Variants in FHIT observed in about 807,000 individuals in gnomAD.
The protein encoded by FHIT is bis(5'-adenosyl)-triphosphatase.
FHIT carries 19 observed loss-of-function variants against 17.9 expected under a neutral mutation model. The ratio of observed to expected loss-of-function variants is 1.06; its 90% CI spans 0.74 to 1.56. The LOEUF (loss-of-function observed/expected upper bound fraction) is 1.56. FHIT is among the 40% of genes most tolerant of loss of function. The pLI is 0.00. For synonymous variants in FHIT, 81 were observed against 69.7 expected, an observed-to-expected ratio of 1.16 and a Z score of -0.81; for missense variants, 248 against 189.2, an observed-to-expected ratio of 1.31 and a Z score of -1.82.
chr3:59,975,283 A>G (rs1293225436), intron 7 of FHIT, among the ~76,000 whole-genome samples: 1 of 152,136 alleles, frequency 6.6e-6, no homozygotes, highest in East Asian at 1.9e-4. Context: ...GAGATAACCT[A>G]AGTCCCAAAC....
chr3:61,111,310 G>A (rs1472388571), intron 2 of FHIT, among the ~76,000 whole-genome samples: 3 of 152,158 alleles, frequency 2.0e-5, no homozygotes, highest in Non-Finnish European at 2.9e-5. Flanking sequence ...TTGGGATTTG[G>A]AGCTTGAGAT....
chr3:59,790,504 CTT>C lies in FHIT; in HGVS notation c.349-38185_349-38184del, dbSNP rs1217783368. ...GTGTTCATTGCTTCTCTCTCTCTCT[CTT>C]TCTCTCTCTCTCTCTCTCTCTCTGT... On this transcript the variant is annotated intron_variant, in intron 8 of 9. Coordinates refer to ENST00000492590, the MANE Select transcript of FHIT (RefSeq NM_002012.4). 2.4e-3 allele frequency among the ~76,000 whole-genome samples: 334 copies of C among 141,450 alleles called. 1 individual carries two copies. The highest frequency in any genetic ancestry group is 8.4e-3 in the African/African-American group (295 of 35,126). 92.8% of individuals were successfully genotyped at this position (141,450 alleles called of 152,430 possible).
intron 5 of FHIT, among the ~76,000 whole-genome samples, chr3:60,276,782 G>A (rs9835376): frequency 0.38 from 57,267 of 151,900 alleles, 11,631 homozygotes; most frequent in East Asian, 0.75. Flanking sequence ...AAACAAAGGC[G>A]AGCCAGCATG....
chr3:60,247,223 G>C, intron 5 of FHIT, among the ~76,000 whole-genome samples: 1 of 151,832 alleles, frequency 6.6e-6, no homozygotes, highest in African/African-American at 2.4e-5. Context: ...ACCAAGTAAG[G>C]CTATTAAGAA....
At position 60,080,550 on chromosome 3, in the gene FHIT, A is replaced by G. The variant is rs949484167; in HGVS notation, c.104-66398T>C. Among the ~76,000 whole-genome samples the G allele has an allele frequency of 2.6e-5, 4 of 152,260 alleles. No individual in the cohort carries two copies. In the East Asian group the frequency reaches 7.7e-4, roughly 29 times the overall value. On this transcript the variant is annotated intron_variant, in intron 5 of 9. Coordinates refer to ENST00000492590, the MANE Select transcript of FHIT (RefSeq NM_002012.4). ...TTTTTTCATTCTTTATTCACCAAAC[A>G]TTTACTAAGCACTTCTTTATACAAT...
intron 3 of FHIT, among the ~76,000 whole-genome samples, chr3:60,938,644 A>C (rs1708289646): frequency 6.6e-6 from 1 of 152,214 alleles, no homozygotes; most frequent in Admixed American, 6.5e-5. Flanking sequence ...ACTGAATGTT[A>C]AACAGCGTCA....
In FHIT at chr3:60,752,607, C is replaced by T. The variant is rs573210550; in HGVS notation, c.-18+69312G>A. Among the ~76,000 whole-genome samples, 3 of 152,320 alleles carry T rather than the reference C, an allele frequency of 2.0e-5. No homozygotes were observed. In the South Asian group the frequency reaches 6.2e-4, roughly 32 times the overall value. On this transcript the variant is annotated intron_variant, in intron 4 of 9. Coordinates refer to ENST00000492590, the MANE Select transcript of FHIT (RefSeq NM_002012.4). ...CAATTCGAACCCACAACCCTGGATA[C>T]ATTCCACTTGTGTAGGTTTCCCCTT...
intron 2 of FHIT, among the ~76,000 whole-genome samples, chr3:61,119,833 G>T (rs947726380): frequency 6.6e-6 from 1 of 152,170 alleles, no homozygotes; most frequent in Admixed American, 6.5e-5. Flanking sequence ...CAGGCTTTCA[G>T]ACTTTAACTA....
intron 1 of FHIT, among the ~76,000 whole-genome samples, chr3:61,229,804 A>C (rs1353085156): frequency 1.3e-5 from 2 of 152,232 alleles, no homozygotes; most frequent in East Asian, 3.9e-4. Flanking sequence ...TAATTTATGC[A>C]GTAGGGCTCT....
chr3:60,277,196 A>G (rs1707186492), intron 5 of FHIT, among the ~76,000 whole-genome samples: 1 of 152,118 alleles, frequency 6.6e-6, no homozygotes, highest in Non-Finnish European at 1.5e-5. Context: ...TCTTTTAACC[A>G]TTTGCATAAA....
intron 3 of FHIT, among the ~76,000 whole-genome samples, chr3:60,974,675 A>C (rs1285596104): frequency 6.6e-6 from 1 of 152,172 alleles, no homozygotes; most frequent in Non-Finnish European, 1.5e-5. Flanking sequence ...GTCTGTCAAC[A>C]AGAGTGATTA....
intron 5 of FHIT, among the ~76,000 whole-genome samples, chr3:60,184,192 C>T (rs1405084265): frequency 2.0e-5 from 3 of 151,868 alleles, no homozygotes; most frequent in Non-Finnish European, 4.4e-5. Flanking sequence ...ACTATGCTTC[C>T]CAGACTGGTC....
intron 4 of FHIT, among the ~76,000 whole-genome samples, chr3:60,761,444 T>C (rs1418420787): frequency 5.9e-5 from 9 of 152,202 alleles, no homozygotes; most frequent in Non-Finnish European, 1.3e-4. Context: ...ATTTCAATAA[T>C]GTGACACATG....
intron 7 of FHIT, among the ~76,000 whole-genome samples, chr3:59,964,030 C>G (rs762884491): frequency 2.6e-5 from 4 of 152,126 alleles, no homozygotes; most frequent in African/African-American, 4.8e-5. Context: ...TGTGGTCAAC[C>G]AACTAAAATT....
At chr3:60,121,751 C>A (rs887030835) in intron 5 of FHIT, among the ~76,000 whole-genome samples, 12 of 151,230 alleles carry the variant, frequency 7.9e-5, no homozygotes, top group Non-Finnish European at 3.0e-5. Flanking sequence ...CACACATTAG[C>A]CCTGTGCCTA....
At chr3:60,373,097 A>G (rs1011376314) in intron 5 of FHIT, among the ~76,000 whole-genome samples, 2 of 152,218 alleles carry the variant, frequency 1.3e-5, no homozygotes, top group East Asian at 3.8e-4. Context: ...TGATGGACAT[A>G]CTGATGTTAA....
At chr3:60,962,742 G>C (rs559986048) in intron 3 of FHIT, among the ~76,000 whole-genome samples, 1 of 152,218 alleles carries the variant, frequency 6.6e-6, no homozygotes, top group East Asian at 1.9e-4. Context: ...TTATTGATTT[G>C]CGTATGTGAA....
At chr3:60,870,738 G>A (rs1457336244) in intron 3 of FHIT, among the ~76,000 whole-genome samples, 1 of 152,126 alleles carries the variant, frequency 6.6e-6, no homozygotes, top group Non-Finnish European at 1.5e-5. Context: ...CCACTAGTCT[G>A]TGCAGTGGGC....
At chr3:60,858,109 C>T (rs1299786512) in intron 3 of FHIT, among the ~76,000 whole-genome samples, 1 of 152,082 alleles carries the variant, frequency 6.6e-6, no homozygotes, top group African/African-American at 2.4e-5. Flanking sequence ...CAGCCCAGTG[C>T]CTAGCACAGT....
Sources: allele counts gnomAD v4.1 joint callset (sites outside exome capture counted in the v4.1 genomes callset), GRCh38; gene constraint gnomAD v4.1.1; transcripts MANE v1.5; gene names NCBI Gene and HGNC (gene_info 2026-07-23, HGNC 2026-07-21).